PTPRT: variants seen among roughly 807,000 people sequenced by gnomAD.
PTPRT encodes receptor-type tyrosine-protein phosphatase T.
Under a neutral mutation model 176.8 loss-of-function variants are expected in PTPRT, and 56 were observed. That is an observed-to-expected ratio of 0.32 (90% CI 0.26 to 0.40). The LOEUF is 0.40. Among genes scored for constraint, PTPRT ranks in the 10% least tolerant of loss-of-function variants. PTPRT has a pLI of 1.00. For missense variants in PTPRT, 1,540 were observed against 1,908.2 expected (o/e 0.81, Z 3.60); for synonymous variants, 783 against 739.0 (o/e 1.06, Z -0.96).
chr20:42,300,607 G>T (rs904561458), intron 12 of PTPRT, among the ~76,000 whole-genome samples: 3 of 151,580 alleles, frequency 2.0e-5, no homozygotes, highest in African/African-American at 7.3e-5. Flanking sequence ...AATAAAAGAA[G>T]AATCTATAAA....
chr20:42,141,945 T>G lies in PTPRT; in HGVS notation c.2740A>C (p.Asn914His). 1 of 1,614,166 alleles carries G rather than the reference T, an allele frequency of 6.2e-7. No homozygotes were observed. Among genetic ancestry groups the G allele is most frequent in the Middle Eastern group, 1.6e-4 (1 of 6,062 alleles). Reference protein sequence around the residue: ...WDTAKEDENRNKNRYGNIISY... With the variant: ...WDTAKEDENRHKNRYGNIISY... ...ATGATGTTCCCATATCGATTCTTAT[T>G]GCGGTTTTCATCCTCCTTGGCTGTG... Residue 914 changes from asparagine (N) to histidine (H), a missense_variant, in exon 18 of 31, where the codon AAT becomes CAT. Physicochemically the swap from Asn to His is moderately conservative, Grantham distance 68 (BLOSUM62 1). Transcript: ENST00000373187.
intron 9 of PTPRT, among the ~76,000 whole-genome samples, chr20:42,356,918 G>A (rs1353925207): frequency 6.6e-6 from 1 of 152,040 alleles, no homozygotes; most frequent in Admixed American, 6.6e-5. Flanking sequence ...TGTCAGCCTG[G>A]GCCCCGTCTT....
chr20:43,167,382 T>A (rs1206035437), intron 1 of PTPRT, among the ~76,000 whole-genome samples: 1 of 152,068 alleles, frequency 6.6e-6, no homozygotes, highest in Non-Finnish European at 1.5e-5. Flanking sequence ...TTTCAACCCA[T>A]CCTATGTCCA....
chr20:42,696,815 A>T (rs2075887179), intron 6 of PTPRT, among the ~76,000 whole-genome samples: 1 of 152,152 alleles, frequency 6.6e-6, no homozygotes, highest in Admixed American at 6.5e-5. Flanking sequence ...GCTTGGGAGC[A>T]GATCCTATCC....
chr20:42,357,160 A>G (rs2058368967), intron 9 of PTPRT, among the ~76,000 whole-genome samples: 1 of 152,252 alleles, frequency 6.6e-6, no homozygotes, highest in Non-Finnish European at 1.5e-5. Context: ...CTTGCAAGTC[A>G]AATTCAATCT....
intron 9 of PTPRT, among the ~76,000 whole-genome samples, chr20:42,363,298 A>ATTTTT (rs1297903278): frequency 6.3e-4 from 14 of 22,276 alleles, no homozygotes; most frequent in Non-Finnish European, 8.9e-4. Flanking sequence ...ATATATATAT[A>ATTTTT]TATTTTTTTT....
the PTPRT span, among the ~76,000 whole-genome samples, chr20:42,033,031 C>G: frequency 6.6e-6 from 1 of 152,136 alleles, no homozygotes; most frequent in African/African-American, 2.4e-5. Context: ...CTAGGTTGCT[C>G]GCAGATCCCT....
intron 1 of PTPRT, among the ~76,000 whole-genome samples, chr20:43,139,721 C>T (rs1021198596): frequency 6.6e-6 from 1 of 152,168 alleles, no homozygotes; most frequent in Non-Finnish European, 1.5e-5. Flanking sequence ...AGCTGGAAAA[C>T]GGTCACCCCA....
intron 16 of PTPRT, among the ~76,000 whole-genome samples, chr20:42,182,774 C>T (rs1193028011): frequency 6.6e-6 from 1 of 152,118 alleles, no homozygotes; most frequent in Non-Finnish European, 1.5e-5. Context: ...GCAGGGAGAT[C>T]TAGTCAATAC....
At chr20:43,109,001 C>A (rs1215443411) in intron 1 of PTPRT, among the ~76,000 whole-genome samples, 1 of 152,126 alleles carries the variant, frequency 6.6e-6, no homozygotes, top group East Asian at 1.9e-4. Context: ...GACCCCACTA[C>A]CCCATAATAA....
chr20:42,790,905 G>A (rs567552622), intron 3 of PTPRT, among the ~76,000 whole-genome samples: 11 of 152,256 alleles, frequency 7.2e-5, no homozygotes, highest in Middle Eastern at 6.8e-3. Flanking sequence ...CATAAGCACT[G>A]ACTTTATAAA....
intron 15 of PTPRT, among the ~76,000 whole-genome samples, chr20:42,207,225 C>T (rs968019688): frequency 3.3e-5 from 5 of 152,164 alleles, no homozygotes; most frequent in African/African-American, 7.2e-5. Context: ...AATTCTAAAA[C>T]GCAGAGCGCC....
At chr20:42,906,919 T>A (rs1248581771) in intron 1 of PTPRT, among the ~76,000 whole-genome samples, 1 of 152,102 alleles carries the variant, frequency 6.6e-6, no homozygotes, top group South Asian at 2.1e-4. Flanking sequence ...ATAAACCATG[T>A]GTTTCCTCCA....
At chr20:42,295,757 TG>T (rs1319826706) in intron 12 of PTPRT, among the ~76,000 whole-genome samples, 1 of 152,192 alleles carries the variant, frequency 6.6e-6, no homozygotes, top group African/African-American at 2.4e-5. Context: ...CATCTTGAAT[TG>T]TAATCCCCAT....
intron 1 of PTPRT, among the ~76,000 whole-genome samples, chr20:43,187,880 T>C (rs1468557221): frequency 6.6e-6 from 1 of 152,252 alleles, no homozygotes; most frequent in African/African-American, 2.4e-5. Context: ...CTATTCCTGA[T>C]ATGAAAGCAA....
chr20:42,112,848 G>T (rs6093569), intron 22 of PTPRT, among the ~76,000 whole-genome samples: 4,384 of 152,336 alleles, frequency 0.029, 224 homozygotes, highest in African/African-American at 0.1. Context: ...ATGCCCAGAT[G>T]AAGGCAGTGA....
chr20:42,477,815 G>T (rs1354134017), intron 7 of PTPRT, among the ~76,000 whole-genome samples: 1 of 152,150 alleles, frequency 6.6e-6, no homozygotes, highest in Non-Finnish European at 1.5e-5. Context: ...AAATCAAAGT[G>T]GCTCTACCTC....
At chr20:42,053,920 T>C in the PTPRT span, among the ~76,000 whole-genome samples, 1 of 152,196 alleles carries the variant, frequency 6.6e-6, no homozygotes, top group Non-Finnish European at 1.5e-5. Flanking sequence ...AAGAGGGGTC[T>C]ATCTTTCATC....
chr20:42,228,366 G>A (rs1031229992), intron 15 of PTPRT, among the ~76,000 whole-genome samples: 6 of 152,210 alleles, frequency 3.9e-5, no homozygotes, highest in African/African-American at 1.4e-4. Flanking sequence ...TGGCATGCGT[G>A]ACTGATGCGT....
Sources: allele counts gnomAD v4.1 joint callset (sites outside exome capture counted in the v4.1 genomes callset), GRCh38; gene constraint gnomAD v4.1.1; transcripts MANE v1.5; gene names NCBI Gene and HGNC (gene_info 2026-07-23, HGNC 2026-07-21).